Variants in KCNN2 observed in about 807,000 individuals in gnomAD.
KCNN2 encodes the protein small conductance calcium-activated potassium channel protein 2.
In KCNN2, 24 loss-of-function variants were observed where a neutral mutation model predicts 55.5. The observed-to-expected ratio is 0.43, with a 90% confidence interval of 0.31 to 0.61. The LOEUF is 0.61. Ranked by LOEUF, KCNN2 falls within the 20% of genes least tolerant of loss-of-function variation. The pLI, the probability that KCNN2 is intolerant of heterozygous loss-of-function variation, is 0.08. For synonymous variants in KCNN2, 431 were observed against 336.1 expected (o/e 1.28, Z -3.09); for missense variants, 754 against 853.6 (o/e 0.88, Z 1.45).
At chr5:114,134,753 G>GCGTGAGCCACCGCACCCAGCCCAGC in intron 1 of KCNN2, among the ~76,000 whole-genome samples, 1 of 152,192 alleles carries the variant, frequency 6.6e-6, no homozygotes, top group Middle Eastern at 3.4e-3. Context: ...GGAATTACAG[G>GCGTGAGCCACCGCACCCAGCCCAGC]CGTGAGCCAC....
At chr5:114,331,008 AACTCCTTGCTACATTTTCAGAT>A (rs1485241471) in intron 2 of KCNN2, among the ~76,000 whole-genome samples, 2 of 152,226 alleles carry the variant, frequency 1.3e-5, no homozygotes, top group African/African-American at 4.8e-5. Context: ...ACTGTGAATG[AACTCCTTGCTACATTTTCAGAT>A]ACTCTAGTGG....
At chr5:114,424,222 A>G (rs1759551715) in intron 3 of KCNN2, among the ~76,000 whole-genome samples, 1 of 152,226 alleles carries the variant, frequency 6.6e-6, no homozygotes. Context: ...CCAAACACTT[A>G]TAACATTTTA....
At chr5:114,125,037 T>C (rs898648633) in intron 1 of KCNN2, among the ~76,000 whole-genome samples, 1 of 150,890 alleles carries the variant, frequency 6.6e-6, no homozygotes, top group Non-Finnish European at 1.5e-5. Flanking sequence ...GACACAGCCC[T>C]GAATAAATGT....
intron 1 of KCNN2, among the ~76,000 whole-genome samples, chr5:114,157,427 C>T (rs1743553511): frequency 6.6e-6 from 1 of 152,032 alleles, no homozygotes; most frequent in South Asian, 2.1e-4. Flanking sequence ...TGGGTTGGTT[C>T]CAAGTCTTTG....
intron 2 of KCNN2, among the ~76,000 whole-genome samples, chr5:114,269,484 TGG>T (rs914581461): frequency 2.2e-5 from 3 of 134,826 alleles, no homozygotes; most frequent in Non-Finnish European, 4.7e-5. Flanking sequence ...TTTCTCCCAG[TGG>T]TTCTCACCTT....
intron 1 of KCNN2, among the ~76,000 whole-genome samples, chr5:114,213,377 T>C (rs1275176042): frequency 6.6e-6 from 1 of 151,788 alleles, no homozygotes; most frequent in East Asian, 1.9e-4. Flanking sequence ...AGATAACACA[T>C]CTCCCTCTTC....
chr5:114,479,804 G>T (rs1397573776), intron 5 of KCNN2, among the ~76,000 whole-genome samples: 2 of 152,090 alleles, frequency 1.3e-5, no homozygotes, highest in Non-Finnish European at 2.9e-5. Context: ...TGAAATTAAG[G>T]CAGAAATCAA....
intron 1 of KCNN2, 131 bp downstream of exon 1, chr5:114,363,392 G>T: frequency 1.7e-6 from 2 of 1,189,424 alleles, no homozygotes; most frequent in Non-Finnish European, 2.3e-6. Flanking sequence ...CCAGGACAGC[G>T]GGCGCGTCTA....
chr5:114,273,663 T>C (rs1252193391), intron 2 of KCNN2, among the ~76,000 whole-genome samples: 25 of 152,232 alleles, frequency 1.6e-4, no homozygotes, highest in Admixed American at 1.6e-3. Context: ...TTGAGAAGTG[T>C]CTGTTCATAT....
intron 1 of KCNN2, among the ~76,000 whole-genome samples, chr5:114,160,999 T>G (rs1752765419): frequency 6.6e-6 from 1 of 152,222 alleles, no homozygotes; most frequent in Non-Finnish European, 1.5e-5. Flanking sequence ...ATTTAGTCCA[T>G]TTACATTTAA....
chr5:114,368,386 C>T (rs532905953), intron 2 of KCNN2, among the ~76,000 whole-genome samples: 6 of 152,240 alleles, frequency 3.9e-5, no homozygotes, highest in South Asian at 4.2e-4. Flanking sequence ...GCTCTATAAT[C>T]GGAAGAACAG....
chr5:114,394,511 A>G (rs1026814117), intron 2 of KCNN2, among the ~76,000 whole-genome samples: 1 of 152,262 alleles, frequency 6.6e-6, no homozygotes, highest in African/African-American at 2.4e-5. Flanking sequence ...TAAATGCATT[A>G]AAAGATAAGA....
chr5:114,436,952 C>G (rs1490492109), intron 3 of KCNN2, among the ~76,000 whole-genome samples: 6 of 152,024 alleles, frequency 3.9e-5, no homozygotes, highest in African/African-American at 1.5e-4. Flanking sequence ...GTAAGTAGCA[C>G]TTTGAGCTAG....
intron 1 of KCNN2, among the ~76,000 whole-genome samples, chr5:114,157,004 T>TA (rs990675417): frequency 6.6e-6 from 1 of 151,892 alleles, no homozygotes; most frequent in Admixed American, 6.6e-5. Flanking sequence ...CTTTTTTTTT[T>TA]AAATTTTATT....
At chr5:114,140,179 A>G (rs2112503546) in intron 1 of KCNN2, among the ~76,000 whole-genome samples, 1 of 152,344 alleles carries the variant, frequency 6.6e-6, no homozygotes, top group South Asian at 2.1e-4. Flanking sequence ...AACCTATATA[A>G]ACAAAGGGTT....
At chr5:114,411,895 C>T (rs553780608) in intron 3 of KCNN2, among the ~76,000 whole-genome samples, 4 of 152,122 alleles carry the variant, frequency 2.6e-5, no homozygotes, top group Non-Finnish European at 5.9e-5. Flanking sequence ...CTAAAATTAA[C>T]CATCACATAT....
chr5:114,219,850 C>A (rs955174787), intron 1 of KCNN2, among the ~76,000 whole-genome samples: 10 of 151,918 alleles, frequency 6.6e-5, no homozygotes, highest in Non-Finnish European at 1.5e-4. Context: ...CAAAAATAAT[C>A]AAAAAATAAA....
chr5:114,425,668 A>C (rs975739113), intron 3 of KCNN2, among the ~76,000 whole-genome samples: 1 of 152,194 alleles, frequency 6.6e-6, no homozygotes, highest in Non-Finnish European at 1.5e-5. Flanking sequence ...GTCTATCTGC[A>C]AATCCTGTTG....
At chr5:114,338,051 G>A (rs917625606) in intron 2 of KCNN2, among the ~76,000 whole-genome samples, 3 of 152,164 alleles carry the variant, frequency 2.0e-5, no homozygotes, top group African/African-American at 4.8e-5. Flanking sequence ...AAATCAACCA[G>A]CTATGCACTT....
Sources: allele counts gnomAD v4.1 joint callset (sites outside exome capture counted in the v4.1 genomes callset), GRCh38; gene constraint gnomAD v4.1.1; transcripts MANE v1.5; gene names NCBI Gene and HGNC (gene_info 2026-07-23, HGNC 2026-07-21).